Variants in LPCAT1 observed in about 807,000 individuals in gnomAD.
LPCAT1 encodes lysophosphatidylcholine acyltransferase 1.
Under a neutral mutation model 60.9 loss-of-function variants are expected in LPCAT1, and 23 were observed. That is an observed-to-expected ratio of 0.38 (90% CI 0.27 to 0.53). The LOEUF is 0.53. LPCAT1 is among the 20% of genes least tolerant of loss of function. The pLI is 0.82. For missense variants in LPCAT1, 622 were observed against 723.6 expected (o/e 0.86, Z 1.61); for synonymous variants, 340 against 301.1 (o/e 1.13, Z -1.34).
chr5:1,517,821 A>T (rs984606115), intron 1 of LPCAT1, among the ~76,000 whole-genome samples: 4 of 152,234 alleles, frequency 2.6e-5, no homozygotes. Flanking sequence ...AGGTTTGGAA[A>T]AGGCCGCTGT....
intron 1 of LPCAT1, among the ~76,000 whole-genome samples, chr5:1,513,130 T>C (rs1736406284): frequency 1.3e-5 from 2 of 152,278 alleles, no homozygotes; most frequent in East Asian, 1.9e-4. Flanking sequence ...AGATGACCGA[T>C]GGCAGGCAGG....
chr5:1,483,990 G>A lies in LPCAT1; in HGVS notation c.668-504C>T, dbSNP rs1320282257. Among the ~76,000 whole-genome samples, 1 of 152,274 alleles carries A rather than the reference G, an allele frequency of 6.6e-6. No individual in the cohort carries two copies. Among genetic ancestry groups the A allele is most frequent in the Non-Finnish European group, 1.5e-5 (1 of 68,046 alleles). On this transcript the variant is annotated intron_variant, in intron 5 of 13. Coordinates refer to ENST00000283415, the MANE Select transcript of LPCAT1 (RefSeq NM_024830.5). The surrounding 1 kb of genome is among the most constrained non-coding windows in gnomAD (Gnocchi z 9.2). Reference sequence around the variant, plus strand: ...GTGGGGGTCCTCATCACCGGCCAATGCTCACCCACCTGACGGGGTTAGGGT... The same window carrying A: ...GTGGGGGTCCTCATCACCGGCCAATACTCACCCACCTGACGGGGTTAGGGT...
Position 1,479,648 on chromosome 5 carries a change from A to G in LPCAT1, c.789T>C (p.Cys263=), listed in dbSNP as rs1735054239. 6.2e-7 allele frequency: 1 copy of G among 1,612,448 alleles called. No homozygotes were observed. Among genetic ancestry groups the G allele is most frequent in the Non-Finnish European group, 8.5e-7 (1 of 1,178,596 alleles). ...GALEILWLTL[C]QFHNQVEIEF... Reference sequence around the variant, plus strand: ...CGATTTCCACTTGGTTGTGAAACTGACACAGCGTGAGCCACAGGATTTCCA... The same window carrying G: ...CGATTTCCACTTGGTTGTGAAACTGGCACAGCGTGAGCCACAGGATTTCCA... Residue 263 remains cysteine (C), a synonymous_variant, in exon 8 of 14, where the codon TGT becomes TGC. Transcript: ENST00000283415.
At chr5:1,470,350 G>A (rs147660240) in intron 12 of LPCAT1, among the ~76,000 whole-genome samples, 72 of 152,372 alleles carry the variant, frequency 4.7e-4, no homozygotes, top group African/African-American at 1.7e-3. Flanking sequence ...AAGTCCTGAG[G>A]GCTTCCCAGG....
Position 1,463,382 on chromosome 5 carries a change from C to G in LPCAT1, c.*269G>C. 5 of 461,058 alleles carry G rather than the reference C, an allele frequency of 1.1e-5. No individual in the cohort carries two copies. The highest frequency in any genetic ancestry group is 2.0e-5 in the African/African-American group (1 of 50,248). The allele number at this position is 461,058 out of a possible 1,614,324, so 28.6% of individuals were successfully genotyped here. Reference sequence around the variant, plus strand: ...GAACACGGGGCGGCACCGGTGCCCCCCGCCCGGCAGGGAACCTGACCCCAC... The same window carrying G: ...GAACACGGGGCGGCACCGGTGCCCCGCGCCCGGCAGGGAACCTGACCCCAC... On this transcript the variant is annotated 3_prime_UTR_variant, in exon 14 of 14. Coordinates refer to ENST00000283415, the MANE Select transcript of LPCAT1 (RefSeq NM_024830.5).
chr5:1,466,707 C>T (rs889079117), intron 13 of LPCAT1, 42 bp downstream of exon 13: 18 of 1,585,722 alleles, frequency 1.1e-5, no homozygotes, highest in Middle Eastern at 1.7e-4. Context: ...GTCCAGCCCC[C>T]GCCCAAGGGT....
At chr5:1,467,561 C>T (rs1479851450) in intron 12 of LPCAT1, among the ~76,000 whole-genome samples, 2 of 152,170 alleles carry the variant, frequency 1.3e-5, no homozygotes, top group Admixed American at 6.5e-5. Context: ...CTCCCCACAA[C>T]TCCACGGCGC....
At chr5:1,466,601 GGGGTTTCTTTGTTACACA>G in intron 13 of LPCAT1, 130 bp downstream of exon 13, 1 of 802,188 alleles carries the variant, frequency 1.2e-6, no homozygotes, top group Non-Finnish European at 1.8e-6. Flanking sequence ...TTCCTTCTCA[GGGGTTTCTTTGTTACACA>G]GGGCAGCCTG....
At chr5:1,503,366 T>C (rs775893477) in intron 1 of LPCAT1, among the ~76,000 whole-genome samples, 65 of 152,116 alleles carry the variant, frequency 4.3e-4, no homozygotes, top group Non-Finnish European at 8.2e-4. Context: ...CCTCCACGAG[T>C]TTTGTTTTGC....
chr5:1,514,730 G>A (rs192945074), intron 1 of LPCAT1, among the ~76,000 whole-genome samples: 218 of 152,270 alleles, frequency 1.4e-3, no homozygotes, highest in Middle Eastern at 0.01. Flanking sequence ...TACATCGTGG[G>A]GGGCTCAGGA....
At chr5:1,501,680 C>T in intron 1 of LPCAT1, 77 bp from the exon 2 acceptor site, 1 of 1,451,262 alleles carries the variant, frequency 6.9e-7, no homozygotes, top group Non-Finnish European at 9.6e-7. Context: ...GAGGCTAGCC[C>T]AGGGGGACAG....
chr5:1,509,141 G>A (rs2126607277), intron 1 of LPCAT1, among the ~76,000 whole-genome samples: 1 of 152,390 alleles, frequency 6.6e-6, no homozygotes, highest in East Asian at 1.9e-4. Context: ...TGGAGGGGAG[G>A]CTGCCCAAAG....
chr5:1,497,894 C>G (rs1735852285), intron 2 of LPCAT1, among the ~76,000 whole-genome samples: 1 of 152,384 alleles, frequency 6.6e-6, no homozygotes, highest in East Asian at 1.9e-4. Context: ...CCTGGAGGAC[C>G]TGGCCCAGCT....
chr5:1,523,158 G>T lies in LPCAT1; in HGVS notation c.135+552C>A, dbSNP rs1424583246. ...CCTACAGGGGACCCGCACCGCCCGC[G>T]CGCCCTGTCCCGGGCACCACCAGGC... is the stretch of plus-strand genomic sequence containing the variant. On this transcript the variant is annotated intron_variant, in intron 1 of 13. Coordinates refer to ENST00000283415, the MANE Select transcript of LPCAT1 (RefSeq NM_024830.5). The surrounding 1 kb of genome is among the most constrained non-coding windows in gnomAD (Gnocchi z 7.1). 1.3e-5 allele frequency among the ~76,000 whole-genome samples: 2 copies of T among 152,204 alleles called. No homozygotes were observed. Among genetic ancestry groups the T allele is most frequent in the Non-Finnish European group, 2.9e-5 (2 of 68,022 alleles).
intron 12 of LPCAT1, among the ~76,000 whole-genome samples, chr5:1,469,391 A>AT (rs1734577242): frequency 6.6e-6 from 1 of 152,180 alleles, no homozygotes; most frequent in African/African-American, 2.4e-5. Flanking sequence ...TCCACAGCCC[A>AT]TTGTTCATGT....
At chr5:1,484,308 G>T (rs1735288510) in intron 5 of LPCAT1, among the ~76,000 whole-genome samples, 2 of 152,260 alleles carry the variant, frequency 1.3e-5, no homozygotes, top group Admixed American at 1.3e-4. Flanking sequence ...CCGGAGTTGT[G>T]CCCTTGCGGG....
intron 1 of LPCAT1, among the ~76,000 whole-genome samples, chr5:1,516,193 C>G (rs546340355): frequency 6.6e-6 from 1 of 152,326 alleles, no homozygotes; most frequent in Admixed American, 6.5e-5. Flanking sequence ...AGAGACTTCC[C>G]CAATGGCACA....
Position 1,522,959 on chromosome 5 carries a change from C to G in LPCAT1, c.135+751G>C, listed in dbSNP as rs934575063. On this transcript the variant is annotated intron_variant, in intron 1 of 13. Coordinates refer to ENST00000283415, the MANE Select transcript of LPCAT1 (RefSeq NM_024830.5). The surrounding 1 kb of genome is among the most constrained non-coding windows in gnomAD (Gnocchi z 6.8). ...CCCCCGGGTCTCCCCTCACCACTGT[C>G]CCATCGCAGGATCTCAGCAAACCGT... Among the ~76,000 whole-genome samples, 1 of 152,202 alleles carries G rather than the reference C, an allele frequency of 6.6e-6. No individual in the cohort carries two copies. The highest frequency in any genetic ancestry group is 1.9e-4 in the East Asian group (1 of 5,194).
intron 12 of LPCAT1, among the ~76,000 whole-genome samples, chr5:1,468,505 G>A (rs530573120): frequency 6.6e-6 from 1 of 152,174 alleles, no homozygotes; most frequent in Non-Finnish European, 1.5e-5. Flanking sequence ...TGTCCATTTG[G>A]ACATGAGAAC....
Sources: gnomAD v4.1 joint callset for allele counts (sites outside exome capture counted in the v4.1 genomes callset) on GRCh38, gnomAD v4.1.1 for gene constraint, Gnocchi (gnomAD v3.1) non-coding constraint, MANE v1.5 for transcripts, NCBI Gene and HGNC (gene_info 2026-07-23, HGNC 2026-07-21) for gene names.